The following PIK3CA variants were observed in gnomAD, a reference collection of about 807,000 sequenced individuals.
PIK3CA encodes phosphatidylinositol-4,5-bisphosphate 3-kinase catalytic subunit alpha.
Under a neutral mutation model 138.2 loss-of-function variants are expected in PIK3CA, and 27 were observed. The ratio of observed to expected loss-of-function variants is 0.20; its 90% CI spans 0.14 to 0.27. The LOEUF (loss-of-function observed/expected upper bound fraction) is 0.27, where lower values mean the gene tolerates loss of function less well. PIK3CA is among the 10% of genes least tolerant of loss of function. The probability of loss-of-function intolerance (pLI) is 1.00; values close to 1 mark genes in which losing one functional copy is unlikely to be tolerated. For synonymous variants in PIK3CA, 358 were observed against 413.2 expected (o/e 0.87, Z 1.62); for missense variants, 544 against 1,277.4 (o/e 0.43, Z 8.75).
Position 179,234,673 on chromosome 3 carries a change from A to G in PIK3CA, c.*309A>G, listed in dbSNP as rs1052104852. ...TTTTTTTAAAAAACAAAACAAAACA[A>G]AAATCCCCAAAATATATAGAAATGA... On this transcript the variant is annotated 3_prime_UTR_variant, in exon 21 of 21. Coordinates refer to ENST00000263967, the MANE Select transcript of PIK3CA (RefSeq NM_006218.4). The surrounding 1 kb of genome is among the most constrained non-coding windows in gnomAD (Gnocchi z 5.1). The G allele has an allele frequency of 1.5e-5, 4 of 261,378 alleles. No homozygotes were observed. The Admixed American group carries it at 2.1e-4, about 14-fold the overall frequency. 16.2% of individuals were successfully genotyped at this position (261,378 alleles called of 1,614,324 possible). A position where few individuals can be genotyped will look rare whatever the true frequency, so the allele number is the denominator to read the frequency against.
At chr3:179,202,947 T>G (rs902678159) in intron 4 of PIK3CA, among the ~76,000 whole-genome samples, 10 of 148,754 alleles carry the variant, frequency 6.7e-5, no homozygotes, top group African/African-American at 1.7e-4. Flanking sequence ...TTGTTTTTTT[T>G]TTTTTTTTTT....
intron 9 of PIK3CA, among the ~76,000 whole-genome samples, chr3:179,217,104 T>C (rs1011440322): frequency 1.3e-5 from 2 of 152,160 alleles, no homozygotes; most frequent in Admixed American, 1.3e-4. Flanking sequence ...GCTCACTGGC[T>C]TTATTCCTTC....
At chr3:179,161,749 G>C (rs192965865) in intron 1 of PIK3CA, among the ~76,000 whole-genome samples, 173 of 152,248 alleles carry the variant, frequency 1.1e-3, no homozygotes, top group Non-Finnish European at 2.2e-3. Context: ...CACAGGACCA[G>C]ATGTTTTGAG....
At chr3:179,212,288 G>A (rs1161851164) in intron 9 of PIK3CA, among the ~76,000 whole-genome samples, 2 of 149,326 alleles carry the variant, frequency 1.3e-5, no homozygotes, top group Non-Finnish European at 3.0e-5. Flanking sequence ...GATTACAGGC[G>A]TGAGCCACCG....
At chr3:179,199,624 C>CA (rs892064605) in intron 2 of PIK3CA, 66 bp from the exon 3 acceptor site, 328 of 1,188,890 alleles carry the variant, frequency 2.8e-4, no homozygotes, top group Non-Finnish European at 3.3e-4. Flanking sequence ...TCCCTGTTTG[C>CA]AAAAAAAACA....
intron 1 of PIK3CA, among the ~76,000 whole-genome samples, chr3:179,160,170 T>C (rs1018409352): frequency 3.1e-4 from 47 of 152,224 alleles, no homozygotes; most frequent in Admixed American, 2.0e-3. Flanking sequence ...TTATGACAGC[T>C]ATGATGTCAC....
chr3:179,180,215 T>A (rs1385531037), intron 1 of PIK3CA, among the ~76,000 whole-genome samples: 1 of 152,168 alleles, frequency 6.6e-6, no homozygotes, highest in East Asian at 1.9e-4. Flanking sequence ...GGATACTTTG[T>A]GCTTTCAGGG....
intron 1 of PIK3CA, among the ~76,000 whole-genome samples, chr3:179,187,777 A>G (rs1016217389): frequency 2.0e-5 from 3 of 151,238 alleles, no homozygotes; most frequent in African/African-American, 7.3e-5. Context: ...AGCTGGGACT[A>G]CAGGCGCCCG....
chr3:179,203,891 T>C, intron 5 of PIK3CA, 102 bp downstream of exon 5: 1 of 797,710 alleles, frequency 1.3e-6, no homozygotes, highest in South Asian at 2.0e-5. Context: ...TGTTTTCAGA[T>C]GGTTAGGAGA....
chr3:179,170,023 C>T (rs1372013440), intron 1 of PIK3CA, among the ~76,000 whole-genome samples: 1 of 152,170 alleles, frequency 6.6e-6, no homozygotes, highest in Non-Finnish European at 1.5e-5. Context: ...CTTCCTCCCT[C>T]CCTCTTCCTT....
In PIK3CA at chr3:179,235,672, A is replaced by G. The variant is rs1457692247; in HGVS notation, c.*1308A>G. On this transcript the variant is annotated 3_prime_UTR_variant, in exon 21 of 21. Coordinates refer to ENST00000263967, the MANE Select transcript of PIK3CA (RefSeq NM_006218.4). ...CTTTACTGAAGTATACTCATGAATA[A>G]TACTTTAAAATATGGGGGAATAGAA... 1 of 205,978 alleles carries G rather than the reference A, an allele frequency of 4.9e-6. No homozygotes were observed. Among genetic ancestry groups the G allele is most frequent in the Non-Finnish European group, 9.9e-6 (1 of 100,630 alleles). The allele number at this position is 205,978 out of a possible 1,614,324, so 12.8% of individuals were successfully genotyped here. A position where few individuals can be genotyped will look rare whatever the true frequency, so the allele number is the denominator to read the frequency against.
At chr3:179,227,504 T>C (rs1056310504) in intron 17 of PIK3CA, among the ~76,000 whole-genome samples, 15 of 151,964 alleles carry the variant, frequency 9.9e-5, no homozygotes, top group African/African-American at 2.4e-4. Context: ...GAGGAAGTGA[T>C]TGACAATTTG....
In PIK3CA at chr3:179,230,214, A is replaced by G; in HGVS notation, c.2785-11A>G. On this transcript the variant is annotated splice_polypyrimidine_tract_variant and intron_variant, in intron 19 of 20. Transcript: ENST00000263967. The surrounding 1 kb of genome is among the most constrained non-coding windows in gnomAD (Gnocchi z 5.4). The stretch of plus-strand genomic sequence containing the variant: ...ATATCAAACTATAACATAATTTCTT[A>G]TTTTTGAAAGCTGTTTCATATAGAT... 6.3e-7 allele frequency: 1 copy of G among 1,594,484 alleles called. No individual in the cohort carries two copies. The highest frequency in any genetic ancestry group is 2.2e-5 in the East Asian group (1 of 44,742).
At chr3:179,210,598 A>T in intron 9 of PIK3CA, 33 bp downstream of exon 9, 1 of 1,602,374 alleles carries the variant, frequency 6.2e-7, no homozygotes, top group African/African-American at 1.3e-5. Flanking sequence ...TTAAGTATCA[A>T]TTATAATCTG....
chr3:179,224,817 G>A lies in PIK3CA; in HGVS notation c.2412G>A (p.Gly804=), dbSNP rs2108418268. ...FQNNEIIFKN[G]DDLRQDMLTL... ...ACAATGAGATCATCTTTAAAAATGGGGATGGTAAGGAAGAGTATTAATGAG... is the reference window on the plus strand; with the variant it reads ...ACAATGAGATCATCTTTAAAAATGGAGATGGTAAGGAAGAGTATTAATGAG... The change falls in exon 16 of 21, where the codon GGG becomes GGA. Residue 804 remains glycine, a synonymous_variant. Coordinates refer to ENST00000263967, the MANE Select transcript of PIK3CA (RefSeq NM_006218.4). The A allele has an allele frequency of 6.2e-7, 1 of 1,602,780 alleles. No individual in the cohort carries two copies. The highest frequency in any genetic ancestry group is 1.7e-4 in the Middle Eastern group (1 of 6,034).
At chr3:179,176,915 A>C (rs1309751142) in intron 1 of PIK3CA, among the ~76,000 whole-genome samples, 1 of 152,240 alleles carries the variant, frequency 6.6e-6, no homozygotes, top group Non-Finnish European at 1.5e-5. Context: ...GAAAGTTTAC[A>C]TTCCTACCAA....
intron 1 of PIK3CA, among the ~76,000 whole-genome samples, chr3:179,193,600 G>A (rs766000250): frequency 4.0e-4 from 61 of 152,350 alleles, no homozygotes; most frequent in Middle Eastern, 6.8e-3. Context: ...TTGTAATGAG[G>A]ACTATAATTC....
At chr3:179,206,918 CAA>C (rs538878817) in intron 6 of PIK3CA, among the ~76,000 whole-genome samples, 13 of 58,320 alleles carry the variant, frequency 2.2e-4, no homozygotes, top group Admixed American at 1.9e-4. Flanking sequence ...GACCCCGACT[CAA>C]AAAAAAAAAA....
chr3:179,188,542 A>C (rs550751176), intron 1 of PIK3CA, among the ~76,000 whole-genome samples: 1 of 152,296 alleles, frequency 6.6e-6, no homozygotes, highest in East Asian at 1.9e-4. Flanking sequence ...TCTTGATGTG[A>C]AAATGCAAAC....
Sources: allele counts gnomAD v4.1 joint callset (sites outside exome capture counted in the v4.1 genomes callset), GRCh38; gene constraint gnomAD v4.1.1; non-coding constraint Gnocchi (gnomAD v3.1); transcripts MANE v1.5; gene names NCBI Gene and HGNC (gene_info 2026-07-23, HGNC 2026-07-21).